TAFA1: variants seen among roughly 807,000 people sequenced by gnomAD.
TAFA1 encodes chemokine-like protein TAFA-1.
In TAFA1, 4 loss-of-function variants were observed where a neutral mutation model predicts 18.5. The observed-to-expected ratio is 0.22, with a 90% CI of 0.11 to 0.49. The LOEUF is 0.49. TAFA1 is among the 20% of genes least tolerant of loss of function. TAFA1 has a pLI of 0.98. For missense variants in TAFA1, 147 were observed against 169.0 expected (o/e 0.87, Z 0.72); for synonymous variants, 56 against 55.2 (o/e 1.01, Z -0.06).
At chr3:68,492,288 C>T (rs1178393011) in intron 3 of TAFA1, among the ~76,000 whole-genome samples, 1 of 152,108 alleles carries the variant, frequency 6.6e-6, no homozygotes, top group African/African-American at 2.4e-5. Context: ...TCTTATGGAC[C>T]CATTCTATTT....
At chr3:68,186,284 A>C (rs770160511) in intron 2 of TAFA1, among the ~76,000 whole-genome samples, 1 of 152,034 alleles carries the variant, frequency 6.6e-6, no homozygotes, top group Admixed American at 6.6e-5. Context: ...GATAACTTCT[A>C]AACAGGTCCT....
At chr3:68,292,682 C>T (rs1232693994) in intron 2 of TAFA1, among the ~76,000 whole-genome samples, 1 of 152,054 alleles carries the variant, frequency 6.6e-6, no homozygotes, top group Non-Finnish European at 1.5e-5. Flanking sequence ...GCTATGCCAC[C>T]ACACCTGGCT....
At chr3:68,326,178 A>G (rs767717978) in intron 2 of TAFA1, among the ~76,000 whole-genome samples, 5 of 152,326 alleles carry the variant, frequency 3.3e-5, no homozygotes, top group Middle Eastern at 3.4e-3. Flanking sequence ...TTACTTGACA[A>G]ACAAGGAATT....
chr3:68,197,577 T>C (rs1432085473), intron 2 of TAFA1, among the ~76,000 whole-genome samples: 1 of 151,560 alleles, frequency 6.6e-6, no homozygotes, highest in East Asian at 2.0e-4. Flanking sequence ...AATGCCTTTT[T>C]TTTTTAATTG....
chr3:68,495,007 C>CAAAAGAAAAG (rs547370273), intron 3 of TAFA1, among the ~76,000 whole-genome samples: 1 of 151,836 alleles, frequency 6.6e-6, no homozygotes, highest in East Asian at 1.9e-4. Flanking sequence ...AGAGTAAAAA[C>CAAAAGAAAAG]AAAAGAAAAG....
chr3:68,398,919 C>A (rs1422818868), intron 2 of TAFA1, among the ~76,000 whole-genome samples: 3 of 152,106 alleles, frequency 2.0e-5, no homozygotes, highest in Non-Finnish European at 4.4e-5. Flanking sequence ...AAATTGCATT[C>A]TTTTAAATAA....
chr3:68,151,252 AT>A (rs1341362224), intron 2 of TAFA1, among the ~76,000 whole-genome samples: 5 of 152,168 alleles, frequency 3.3e-5, no homozygotes, highest in African/African-American at 1.2e-4. Flanking sequence ...TCACTTATGT[AT>A]TTAAGCTATT....
At chr3:68,319,306 C>A (rs757449244) in intron 2 of TAFA1, among the ~76,000 whole-genome samples, 1 of 152,166 alleles carries the variant, frequency 6.6e-6, no homozygotes, top group Non-Finnish European at 1.5e-5. Context: ...TCTAGAACAG[C>A]GATTCTCAAC....
chr3:68,136,549 C>T (rs917510188), intron 2 of TAFA1, among the ~76,000 whole-genome samples: 2 of 152,108 alleles, frequency 1.3e-5, no homozygotes, highest in African/African-American at 4.8e-5. Flanking sequence ...CTGTTCTTTA[C>T]CTGGAACGGC....
intron 2 of TAFA1, among the ~76,000 whole-genome samples, chr3:68,282,993 A>C (rs2067924510): frequency 6.6e-6 from 1 of 152,166 alleles, no homozygotes; most frequent in African/African-American, 2.4e-5. Context: ...TTTATTCATA[A>C]TACAATAGGA....
intron 2 of TAFA1, among the ~76,000 whole-genome samples, chr3:68,286,517 G>T (rs1480633679): frequency 6.6e-6 from 1 of 152,132 alleles, no homozygotes; most frequent in Non-Finnish European, 1.5e-5. Context: ...CACTCAGAGA[G>T]TAGACAAAGG....
At chr3:68,321,860 TC>T (rs1178736113) in intron 2 of TAFA1, among the ~76,000 whole-genome samples, 2 of 152,230 alleles carry the variant, frequency 1.3e-5, no homozygotes, top group African/African-American at 4.8e-5. Flanking sequence ...CTCCAAGGTT[TC>T]CTGAAAAGGC....
rs180865309 is a variant in TAFA1 at position 68,195,220 on chromosome 3, T to C, written c.118+188476T>C. ...TTTGTTTAAATATAAAAATGGATGT[T>C]TAAATTACTACTTAAAATGCTTAAT... On this transcript the variant is annotated intron_variant, in intron 2 of 4. Coordinates refer to ENST00000478136, the MANE Select transcript of TAFA1 (RefSeq NM_213609.4). Among the ~76,000 whole-genome samples, 4 of 151,222 alleles carry C rather than the reference T, an allele frequency of 2.6e-5. No individual in the cohort carries two copies. In the Admixed American group the frequency reaches 2.6e-4, roughly 10 times the overall value.
intron 2 of TAFA1, among the ~76,000 whole-genome samples, chr3:68,186,696 C>T (rs1288709454): frequency 6.6e-6 from 1 of 152,028 alleles, no homozygotes; most frequent in Non-Finnish European, 1.5e-5. Flanking sequence ...GGGACCCAAC[C>T]TGCCTGGGCT....
intron 2 of TAFA1, among the ~76,000 whole-genome samples, chr3:68,388,671 C>A (rs538965276): frequency 6.6e-6 from 1 of 152,010 alleles, no homozygotes; most frequent in Non-Finnish European, 1.5e-5. Context: ...CATACGCTTT[C>A]GGCCTATATT....
chr3:68,051,850 C>G (rs2064474843), intron 2 of TAFA1, among the ~76,000 whole-genome samples: 1 of 152,034 alleles, frequency 6.6e-6, no homozygotes, highest in African/African-American at 2.4e-5. Context: ...GCTGACAAAA[C>G]TACATAATTA....
intron 3 of TAFA1, among the ~76,000 whole-genome samples, chr3:68,527,723 T>A (rs1331219356): frequency 6.6e-6 from 1 of 152,130 alleles, no homozygotes; most frequent in Non-Finnish European, 1.5e-5. Context: ...GAGTGGGAAC[T>A]GTGTGTCTTG....
Position 68,113,888 on chromosome 3 carries a change from GTTT to G in TAFA1, c.118+107150_118+107152del, listed in dbSNP as rs1169442128. On this transcript the variant is annotated intron_variant, in intron 2 of 4. Transcript: ENST00000478136. ...TGACAGTGTGACAGTTTGGGGTGTA[GTTT>G]TTTTTGTTTTTTTTTTTTTTTTTTT... Among the ~76,000 whole-genome samples, 3 of 57,884 alleles carry G rather than the reference GTTT, an allele frequency of 5.2e-5. No homozygotes were observed. In the East Asian group the frequency reaches 1.8e-3, roughly 35 times the overall value. 38.0% of individuals were successfully genotyped at this position (57,884 alleles called of 152,430 possible).
At chr3:68,246,589 C>CAAAAAAAAAAAAAAAAAAAAAAAA in intron 2 of TAFA1, among the ~76,000 whole-genome samples, 1 of 55,358 alleles carries the variant, frequency 1.8e-5, no homozygotes, top group South Asian at 8.4e-4. Flanking sequence ...GACTCCGTCT[C>CAAAAAAAAAAAAAAAAAAAAAAAA]AAAAAAAAAA....
Sources: allele counts gnomAD v4.1 joint callset (sites outside exome capture counted in the v4.1 genomes callset), GRCh38; gene constraint gnomAD v4.1.1; transcripts MANE v1.5; gene names NCBI Gene and HGNC (gene_info 2026-07-23, HGNC 2026-07-21).